PTPRS: variants seen among roughly 807,000 people sequenced by gnomAD.
PTPRS encodes the protein receptor-type tyrosine-protein phosphatase S.
In PTPRS, 63 loss-of-function variants were observed where a neutral mutation model predicts 215.3. The ratio of observed to expected loss-of-function variants is 0.29; its 90% CI spans 0.24 to 0.36. The LOEUF is 0.36. Among genes scored for constraint, PTPRS ranks in the 10% least tolerant of loss-of-function variants. The pLI is 1.00. For missense variants in PTPRS, 2,258 were observed against 2,825.8 expected (o/e 0.80, Z 4.56); for synonymous variants, 1,404 against 1,191.4 (o/e 1.18, Z -3.68).
chr19:5,231,977 T>G (rs1599554687), intron 13 of PTPRS, among the ~76,000 whole-genome samples: 1 of 152,238 alleles, frequency 6.6e-6, no homozygotes, highest in African/African-American at 2.4e-5. Flanking sequence ...ACCTACTATG[T>G]GCTTGGCATC....
At chr19:5,258,360 C>T (rs2146259643) in intron 7 of PTPRS, among the ~76,000 whole-genome samples, 1 of 152,352 alleles carries the variant, frequency 6.6e-6, no homozygotes, top group African/African-American at 2.4e-5. Flanking sequence ...GCAAATTCTC[C>T]ACTCACAGTG....
intron 2 of PTPRS, among the ~76,000 whole-genome samples, chr19:5,279,177 C>T (rs1314389626): frequency 2.8e-4 from 42 of 151,230 alleles, no homozygotes; most frequent in Admixed American, 2.7e-3. Flanking sequence ...CAGACCAAAA[C>T]TCTGTCTCAA....
chr19:5,224,478 C>T (rs2042298968), intron 17 of PTPRS, among the ~76,000 whole-genome samples: 1 of 152,194 alleles, frequency 6.6e-6, no homozygotes, highest in Admixed American at 6.5e-5. Flanking sequence ...CCAAAATCCG[C>T]CCCTGCTCTT....
chr19:5,252,199 A>G lies in PTPRS; in HGVS notation c.718+3909T>C, dbSNP rs377552479. Among the ~76,000 whole-genome samples the G allele has an allele frequency of 1.8e-4, 28 of 152,182 alleles. No homozygotes were observed. The East Asian group carries it at 3.7e-3, about 20-fold the overall frequency. The stretch of plus-strand genomic sequence containing the variant: ...GCAGGTACTGGTTTCTTAGCTTAGC[A>G]CTCAAGACTCTGCGTTAAATTATGC... On this transcript the variant is annotated intron_variant, in intron 9 of 37. Coordinates refer to ENST00000262963, the MANE Select transcript of PTPRS (RefSeq NM_002850.4).
rs189458881 is a variant in PTPRS at position 5,313,614 on chromosome 19, C to T, written c.-95+27050G>A. On this transcript the variant is annotated intron_variant, in intron 1 of 37. Coordinates refer to ENST00000262963, the MANE Select transcript of PTPRS (RefSeq NM_002850.4). ...CCGTGTGATGTGTTTATCAAGAGGA[C>T]GGGAAATGTCACGACCATCAAGGGC... Among the ~76,000 whole-genome samples the T allele has an allele frequency of 9.4e-4, 143 of 152,180 alleles. 1 individual carries two copies. The highest frequency in any genetic ancestry group is 8.2e-3 in the Admixed American group (126 of 15,278).
chr19:5,280,760 T>A (rs1435031813), intron 2 of PTPRS, among the ~76,000 whole-genome samples: 1 of 150,746 alleles, frequency 6.6e-6, no homozygotes, highest in Non-Finnish European at 1.5e-5. Context: ...AGACCCACCA[T>A]GTACAGGAAT....
At chr19:5,254,670 T>G (rs1364787308) in intron 9 of PTPRS, among the ~76,000 whole-genome samples, 6 of 152,086 alleles carry the variant, frequency 3.9e-5, no homozygotes, top group Non-Finnish European at 2.9e-5. Flanking sequence ...GCTCAGGTAC[T>G]CAGAAAGTGA....
chr19:5,339,200 G>GA lies in PTPRS; in HGVS notation c.-95+1463dup, dbSNP rs2050605710. On this transcript the variant is annotated intron_variant, in intron 1 of 37. Coordinates refer to ENST00000262963, the MANE Select transcript of PTPRS (RefSeq NM_002850.4). This position sits in a 1 kb window ranked among gnomAD's most constrained non-coding sequence, Gnocchi z 4.2. ...GCTCCCCTAGATTGTGACGGGGGGG[G>GA]ACAGGGGAATCCCAGCTGAGCCCAG... Among the ~76,000 whole-genome samples the GA allele has an allele frequency of 3.3e-5, 5 of 152,220 alleles. No individual in the cohort carries two copies. Among genetic ancestry groups the GA allele is most frequent in the Admixed American group, 3.3e-4 (5 of 15,298 alleles).
In PTPRS at chr19:5,338,683, G is replaced by A. The variant is rs893954408; in HGVS notation, c.-95+1981C>T. Among the ~76,000 whole-genome samples the A allele has an allele frequency of 2.0e-5, 3 of 151,980 alleles. No individual in the cohort carries two copies. The highest frequency in any genetic ancestry group is 2.9e-5 in the Non-Finnish European group (2 of 67,974). The stretch of plus-strand genomic sequence containing the variant: ...AGAGGGACAGAAGGCAGGCGCGATT[G>A]GCAGGGGGAGGGGGGCACAAAGGAA... On this transcript the variant is annotated intron_variant, in intron 1 of 37. Transcript: ENST00000262963. This position sits in a 1 kb window ranked among gnomAD's most constrained non-coding sequence, Gnocchi z 4.2.
intron 16 of PTPRS, among the ~76,000 whole-genome samples, chr19:5,226,422 G>A (rs2042504420): frequency 6.6e-6 from 1 of 152,176 alleles, no homozygotes; most frequent in South Asian, 2.1e-4. Flanking sequence ...ATGAAACAGA[G>A]CTGTTATTAA....
intron 1 of PTPRS, among the ~76,000 whole-genome samples, chr19:5,309,689 G>A (rs2049630106): frequency 1.3e-5 from 2 of 152,104 alleles, no homozygotes; most frequent in Admixed American, 6.5e-5. Context: ...AGAGGCCTGG[G>A]AGTCGTTCTT....
At chr19:5,262,216 A>T (rs2046053074) in intron 6 of PTPRS, among the ~76,000 whole-genome samples, 1 of 152,208 alleles carries the variant, frequency 6.6e-6, no homozygotes, top group Non-Finnish European at 1.5e-5. Flanking sequence ...TGGAGGCTTT[A>T]GTGAGCCGAG....
rs535500623 is a variant in PTPRS at position 5,338,982 on chromosome 19, G to T, written c.-95+1682C>A. Among the ~76,000 whole-genome samples the T allele has an allele frequency of 1.7e-4, 26 of 152,320 alleles. No homozygotes were observed. The South Asian group carries it at 4.8e-3, about 28-fold the overall frequency. On this transcript the variant is annotated intron_variant, in intron 1 of 37. Transcript: ENST00000262963. The surrounding 1 kb of genome is among the most constrained non-coding windows in gnomAD (Gnocchi z 4.2). ...GCCAAAGTCCGGGTGGTGGCGGACGGGAGCCCGGAGCGTGTGGGTCCCTGT... is the reference window on the plus strand; with the variant it reads ...GCCAAAGTCCGGGTGGTGGCGGACGTGAGCCCGGAGCGTGTGGGTCCCTGT...
chr19:5,255,760 G>A (rs2146206948), intron 9 of PTPRS, among the ~76,000 whole-genome samples: 1 of 152,310 alleles, frequency 6.6e-6, no homozygotes, highest in East Asian at 1.9e-4. Context: ...AAGTTACCAT[G>A]ACGACGAGGA....
chr19:5,337,124 C>A (rs1038616371), intron 1 of PTPRS, among the ~76,000 whole-genome samples: 4 of 152,174 alleles, frequency 2.6e-5, no homozygotes, highest in African/African-American at 9.7e-5. Flanking sequence ...TGGCTCCGAC[C>A]GACTCTGCAA....
At chr19:5,211,352 T>G (rs779077857) in intron 33 of PTPRS, among the ~76,000 whole-genome samples, 5 of 152,170 alleles carry the variant, frequency 3.3e-5, no homozygotes, top group Non-Finnish European at 5.9e-5. Context: ...ATTACCCCAA[T>G]TGAGAACCAC....
At chr19:5,225,642 T>G (rs930396850) in intron 17 of PTPRS, 85 bp downstream of exon 17, 8 of 1,186,916 alleles carry the variant, frequency 6.7e-6, no homozygotes, top group Non-Finnish European at 1.0e-5. Flanking sequence ...CCTGCCCTTG[T>G]GAGCTCAAGG....
Position 5,237,791 on chromosome 19 carries a change from G to A in PTPRS, c.1849+1128C>T, listed in dbSNP as rs1219314931. Among the ~76,000 whole-genome samples the A allele has an allele frequency of 2.0e-5, 3 of 152,150 alleles. No individual in the cohort carries two copies. Among genetic ancestry groups the A allele is most frequent in the African/African-American group, 7.2e-5 (3 of 41,448 alleles). On this transcript the variant is annotated intron_variant, in intron 13 of 37. Transcript: ENST00000262963. The surrounding 1 kb of genome is among the most constrained non-coding windows in gnomAD (Gnocchi z 4.2). The stretch of plus-strand genomic sequence containing the variant: ...CACAGACGCGCCCAGACGCCTTGGA[G>A]CCGCCAGGTGCTCAGCTCGGCTTGG...
intron 1 of PTPRS, among the ~76,000 whole-genome samples, chr19:5,334,651 C>G (rs2050435689): frequency 6.6e-6 from 1 of 152,208 alleles, no homozygotes; most frequent in Admixed American, 6.5e-5. Context: ...TGTAGCGATT[C>G]AGGTGGCCCC....
Sources: gnomAD v4.1 joint callset for allele counts (sites outside exome capture counted in the v4.1 genomes callset) on GRCh38, gnomAD v4.1.1 for gene constraint, Gnocchi (gnomAD v3.1) non-coding constraint, MANE v1.5 for transcripts, NCBI Gene and HGNC (gene_info 2026-07-23, HGNC 2026-07-21) for gene names.